The following ZNF28 variants were observed in gnomAD, a reference collection of about 807,000 sequenced individuals.
The protein encoded by ZNF28 is zinc finger protein KOX24.
A neutral mutation model predicts 7.2 loss-of-function variants in ZNF28; 5 were observed. The observed-to-expected ratio is 0.70, with a 90% CI of 0.36 to 1.46. The LOEUF (loss-of-function observed/expected upper bound fraction) is 1.46. Among genes scored for constraint, ZNF28 ranks in the 40% most tolerant of loss-of-function variants. The probability of loss-of-function intolerance (pLI) is 0.03; values close to 1 mark genes in which losing one functional copy is unlikely to be tolerated. For synonymous variants in ZNF28, 288 were observed against 292.4 expected (o/e 0.99, Z 0.15); for missense variants, 879 against 866.6 (o/e 1.01, Z -0.18).
At chr19:52,807,660 A>T (rs1358597602) in intron 3 of ZNF28, among the ~76,000 whole-genome samples, 1 of 152,220 alleles carries the variant, frequency 6.6e-6, no homozygotes, top group Non-Finnish European at 1.5e-5. Flanking sequence ...TTTTTAGTAC[A>T]GACAGGGTTT....
chr19:52,813,249 G>GAAAAAGAAA (rs1555806826), intron 2 of ZNF28, among the ~76,000 whole-genome samples: 4 of 62,988 alleles, frequency 6.4e-5, no homozygotes, highest in African/African-American at 2.4e-4. Context: ...CTTGAATGGT[G>GAAAAAGAAA]AAAAAAAAAA....
chr19:52,808,272 G>C (rs2062963256), intron 2 of ZNF28, 139 bp from the exon 3 acceptor site: 1 of 1,478,272 alleles, frequency 6.8e-7, no homozygotes, highest in Non-Finnish European at 9.0e-7. Context: ...TTCACCACAT[G>C]ATGTTTTTAT....
At chr19:52,807,837 A>T in intron 3 of ZNF28, 170 bp downstream of exon 3, 1 of 1,128,364 alleles carries the variant, frequency 8.9e-7, no homozygotes, top group Admixed American at 2.7e-5. Context: ...TGAAGAATGC[A>T]GAACCTCTAA....
Position 52,800,855 on chromosome 19 carries a change from C to A in ZNF28, c.990G>T (p.Lys330Asn). Residue 330 changes from lysine to asparagine, a missense_variant, in exon 4 of 4, where the codon AAG becomes AAT. Physicochemically the swap from Lys to Asn is moderately conservative, Grantham distance 94. Coordinates refer to ENST00000457749, the MANE Select transcript of ZNF28 (RefSeq NM_006969.5). ...IYTGGKPYKC[K>N]VCDKAFTCNS... Reference sequence around the variant, plus strand: ...TACATGTGAAAGCTTTGTCACAAACCTTACATTTGTATGGTTTCCCTCCAG... The same window carrying A: ...TACATGTGAAAGCTTTGTCACAAACATTACATTTGTATGGTTTCCCTCCAG... 1 of 1,613,936 alleles carries A rather than the reference C, an allele frequency of 6.2e-7. No homozygotes were observed. Among genetic ancestry groups the A allele is most frequent in the Non-Finnish European group, 8.5e-7 (1 of 1,179,954 alleles).
At chr19:52,802,448 G>C (rs1485197081) in intron 3 of ZNF28, among the ~76,000 whole-genome samples, 6 of 151,994 alleles carry the variant, frequency 3.9e-5, no homozygotes, top group African/African-American at 1.5e-4. Context: ...TAGAGGGCAA[G>C]GCAGGCAGAT....
intron 3 of ZNF28, among the ~76,000 whole-genome samples, chr19:52,804,370 C>A (rs1040019236): frequency 4.6e-5 from 7 of 152,096 alleles, no homozygotes; most frequent in African/African-American, 1.7e-4. Context: ...ATTCTCCTAC[C>A]TCAAGTGATT....
At chr19:52,810,742 G>A in intron 2 of ZNF28, 3 of 622,830 alleles carry the variant, frequency 4.8e-6, no homozygotes, top group Non-Finnish European at 5.6e-6. Context: ...AGGAAAAAAA[G>A]AGGAAAGAAG....
chr19:52,810,777 ACCC>A (rs368878409), intron 2 of ZNF28: 24,412 of 497,728 alleles, frequency 0.049, 1,972 homozygotes, highest in African/African-American at 0.23. Flanking sequence ...ATAAAAAAAA[ACCC>A]AAAAAAAACA....
In ZNF28 at chr19:52,801,314, G is replaced by T. The variant is rs749946821; in HGVS notation, c.531C>A (p.Ser177=). 3 of 1,613,942 alleles carry T rather than the reference G, an allele frequency of 1.9e-6. No individual in the cohort carries two copies. Among genetic ancestry groups the T allele is most frequent in the South Asian group, 1.1e-5 (1 of 91,080 alleles). The stretch of plus-strand genomic sequence containing the variant: ...TTTTGGGCCTACAACAAATTCTTTG[G>T]GATGTTGAAACTGAGGAAGCATTGT... The part of the protein sequence containing the change: ...SINNASSVST[S]QRICCRPKTH... Residue 177 remains serine (S), a synonymous_variant, in exon 4 of 4, where the codon TCC becomes TCA. Coordinates refer to ENST00000457749, the MANE Select transcript of ZNF28 (RefSeq NM_006969.5).
At chr19:52,801,747 G>T (rs764183986) in intron 3 of ZNF28, 45 bp from the exon 4 acceptor site, 1 of 1,532,750 alleles carries the variant, frequency 6.5e-7, no homozygotes, top group South Asian at 1.2e-5. Flanking sequence ...AGTACAGATG[G>T]TGTATAATAC....
At chr19:52,810,938 G>A (rs1368230729) in intron 2 of ZNF28, among the ~76,000 whole-genome samples, 2 of 120,102 alleles carry the variant, frequency 1.7e-5, no homozygotes, top group Non-Finnish European at 3.3e-5. Flanking sequence ...CTCTGATGCC[G>A]AGCCAAAGCT....
In ZNF28 at chr19:52,801,482, A is replaced by C; in HGVS notation, c.363T>G (p.Gly121=). 1 of 1,614,126 alleles carries C rather than the reference A, an allele frequency of 6.2e-7. No individual in the cohort carries two copies. The highest frequency in any genetic ancestry group is 2.2e-5 in the East Asian group (1 of 44,880). Residue 121 remains glycine, a synonymous_variant, in exon 4 of 4, where the codon GGT becomes GGG. Coordinates refer to ENST00000457749, the MANE Select transcript of ZNF28 (RefSeq NM_006969.5). ...APMTEIKELT[G]STGQHDQRHA... ...GCCTTTGATCATGTTGGCCTGTACT[A>C]CCAGTCAACTCTTTGATTTCTGTCA...
At chr19:52,802,911 C>T (rs1268417078) in intron 3 of ZNF28, among the ~76,000 whole-genome samples, 2 of 150,476 alleles carry the variant, frequency 1.3e-5, no homozygotes, top group African/African-American at 4.9e-5. Context: ...CAGGCACACA[C>T]CGCCATGTCC....
At chr19:52,801,750 T>C (rs2062875139) in intron 3 of ZNF28, 48 bp from the exon 4 acceptor site, 7 of 1,514,094 alleles carry the variant, frequency 4.6e-6, no homozygotes, top group Non-Finnish European at 6.3e-6. Flanking sequence ...ACAGATGGTG[T>C]ATAATACTGA....
intron 1 of ZNF28, among the ~76,000 whole-genome samples, chr19:52,820,117 T>A (rs1474769371): frequency 9.1e-6 from 1 of 109,794 alleles, no homozygotes; most frequent in Non-Finnish European, 1.8e-5. Flanking sequence ...TCTTTTTTTT[T>A]TTTTTTTTTT....
chr19:52,815,606 T>C lies in ZNF28; in HGVS notation c.15+2338A>G, dbSNP rs560576018. Among the ~76,000 whole-genome samples, 3 of 146,384 alleles carry C rather than the reference T, an allele frequency of 2.0e-5. 1 individual carries two copies. Among genetic ancestry groups the C allele is most frequent in the East Asian group, 2.0e-4 (1 of 4,970 alleles). ...TTGGGAGGCCGAGGCGGGCGAATCATGAGGTCAGGAGATCGAGACCATCCT... is the reference window on the plus strand; with the variant it reads ...TTGGGAGGCCGAGGCGGGCGAATCACGAGGTCAGGAGATCGAGACCATCCT... On this transcript the variant is annotated intron_variant, in intron 2 of 3. Coordinates refer to ENST00000457749, the MANE Select transcript of ZNF28 (RefSeq NM_006969.5).
At position 52,799,959 on chromosome 19, in the gene ZNF28, T is replaced by G; in HGVS notation, c.1886A>C (p.His629Pro). Residue 629 changes from histidine (H) to proline (P), a missense_variant, in exon 4 of 4, where the codon CAT (histidine) becomes CCT (proline). Coordinates refer to ENST00000457749, the MANE Select transcript of ZNF28 (RefSeq NM_006969.5). Reference sequence around the variant, plus strand: ...ACACTTGTAAGGTTTCTCTCCAGTATGAAGCCTACGATGGATTATAAGCGA... The same window carrying G: ...ACACTTGTAAGGTTTCTCTCCAGTAGGAAGCCTACGATGGATTATAAGCGA... ...TSSLIIHRRL[H>P]TGEKPYKCNE... is the part of the protein sequence containing the mutation. 4 of 1,613,184 alleles carry G rather than the reference T, an allele frequency of 2.5e-6. No homozygotes were observed. The highest frequency in any genetic ancestry group is 3.4e-6 in the Non-Finnish European group (4 of 1,179,492).
At chr19:52,806,251 C>A (rs140083222) in intron 3 of ZNF28, among the ~76,000 whole-genome samples, 1 of 151,700 alleles carries the variant, frequency 6.6e-6, no homozygotes, top group South Asian at 2.1e-4. Flanking sequence ...TGGAGTGCAA[C>A]GGTGCGATCT....
chr19:52,800,821 G>T lies in ZNF28; in HGVS notation c.1024C>A (p.Leu342Ile), dbSNP rs371929508. 6.2e-7 allele frequency: 1 copy of T among 1,613,820 alleles called. No individual in the cohort carries two copies. Among genetic ancestry groups the T allele is most frequent in the Non-Finnish European group, 8.5e-7 (1 of 1,179,978 alleles). Residue 342 changes from leucine to isoleucine, a missense_variant, in exon 4 of 4, where the codon CTA becomes ATA. This residue lies in a region of ZNF28 where 864 missense variants were observed against 830.2 expected (regional missense o/e 1.04). Coordinates refer to ENST00000457749, the MANE Select transcript of ZNF28 (RefSeq NM_006969.5). ...CDKAFTCNSY[L>I]AKHTIIHTGE... ...GTGTGAATTATAGTATGTTTTGCTAGGTATGAATTACATGTGAAAGCTTTG... is the reference window on the plus strand; with the variant it reads ...GTGTGAATTATAGTATGTTTTGCTATGTATGAATTACATGTGAAAGCTTTG...
Sources: gnomAD v4.1 joint callset for allele counts (sites outside exome capture counted in the v4.1 genomes callset) on GRCh38, gnomAD v4.1.1 for gene constraint, gnomAD v4.1.1 regional missense constraint, MANE v1.5 for transcripts, NCBI Gene and HGNC (gene_info 2026-07-23, HGNC 2026-07-21) for gene names.